The following SPIDR variants were observed in gnomAD, a reference collection of about 807,000 sequenced individuals.
The protein encoded by SPIDR is scaffold protein involved in DNA repair, also known as DNA repair-scaffolding protein.
Under a neutral mutation model 104.6 loss-of-function variants are expected in SPIDR, and 93 were observed. That is an observed-to-expected ratio of 0.89 (90% CI 0.75 to 1.06). The LOEUF (loss-of-function observed/expected upper bound fraction) is 1.06, where lower values mean the gene tolerates loss of function less well. SPIDR is among the 50% of genes least tolerant of loss of function. The pLI is 0.00. For missense variants in SPIDR, 1,154 were observed against 1,111.2 expected, an observed-to-expected ratio of 1.04 and a Z score of -0.55; for synonymous variants, 431 against 416.9, an observed-to-expected ratio of 1.03 and a Z score of -0.41.
At chr8:47,441,600 G>A in intron 8 of SPIDR, among the ~76,000 whole-genome samples, 1 of 152,002 alleles carries the variant, frequency 6.6e-6, no homozygotes, top group Middle Eastern at 3.2e-3. Flanking sequence ...TTTTTAGGGG[G>A]CAGGGGTTTG....
chr8:47,321,619 A>C (rs2046609439), intron 5 of SPIDR, among the ~76,000 whole-genome samples: 1 of 152,174 alleles, frequency 6.6e-6, no homozygotes, highest in Non-Finnish European at 1.5e-5. Flanking sequence ...GGAACCAAAA[A>C]AGAGCCGGTA....
At chr8:47,382,996 A>G (rs1325894023) in intron 5 of SPIDR, among the ~76,000 whole-genome samples, 3 of 152,128 alleles carry the variant, frequency 2.0e-5, no homozygotes, top group Non-Finnish European at 4.4e-5. Context: ...AGTCATTTTA[A>G]CTCCTAGTAT....
chr8:47,308,933 C>T (rs373739131), intron 5 of SPIDR, among the ~76,000 whole-genome samples: 2 of 152,212 alleles, frequency 1.3e-5, no homozygotes, highest in African/African-American at 2.4e-5. Flanking sequence ...TATATTCAGG[C>T]CTTCCCCTGG....
chr8:47,471,044 C>CT (rs1431326104), intron 8 of SPIDR, among the ~76,000 whole-genome samples: 35 of 152,258 alleles, frequency 2.3e-4, no homozygotes, highest in African/African-American at 8.4e-4. Flanking sequence ...GACTGAAACT[C>CT]TTAAGAGCCA....
intron 11 of SPIDR, among the ~76,000 whole-genome samples, chr8:47,681,859 T>A (rs911207071): frequency 6.6e-6 from 1 of 152,178 alleles, no homozygotes; most frequent in African/African-American, 2.4e-5. Context: ...ATTTTCTCAT[T>A]AGAATAATAA....
intron 10 of SPIDR, among the ~76,000 whole-genome samples, chr8:47,608,884 C>G (rs373120296): frequency 6.6e-6 from 1 of 152,170 alleles, no homozygotes; most frequent in Non-Finnish European, 1.5e-5. Context: ...TGCGCTACCA[C>G]GCCCAGCTAA....
intron 10 of SPIDR, among the ~76,000 whole-genome samples, chr8:47,668,373 A>C (rs1432581736): frequency 1.3e-5 from 2 of 152,202 alleles, no homozygotes; most frequent in Non-Finnish European, 2.9e-5. Context: ...AAAGAATTTG[A>C]AATTGTCATT....
intron 8 of SPIDR, chr8:47,511,613 G>T (rs911153099): frequency 1.1e-5 from 9 of 788,934 alleles, no homozygotes; most frequent in Non-Finnish European, 1.6e-5. Context: ...TGAACATCTT[G>T]GTTGGAATGA....
At chr8:47,552,760 A>T (rs2090737598) in intron 8 of SPIDR, among the ~76,000 whole-genome samples, 1 of 152,178 alleles carries the variant, frequency 6.6e-6, no homozygotes, top group Non-Finnish European at 1.5e-5. Flanking sequence ...GCCCATTTAC[A>T]TTTAAGGTTA....
At chr8:47,670,860 C>G (rs1322123530) in intron 10 of SPIDR, among the ~76,000 whole-genome samples, 1 of 152,068 alleles carries the variant, frequency 6.6e-6, no homozygotes, top group Admixed American at 6.6e-5. Context: ...TATCTCAGGC[C>G]TTTATTCCAC....
At chr8:47,628,216 C>T (rs2066505821) in intron 10 of SPIDR, among the ~76,000 whole-genome samples, 2 of 152,174 alleles carry the variant, frequency 1.3e-5, no homozygotes, top group Admixed American at 1.3e-4. Context: ...ATTTTGGCTA[C>T]TTGGGATGTT....
rs534035401 is a variant in SPIDR, at chr8:47,374,469, G to A, written c.526-21907G>A. On this transcript the variant is annotated intron_variant, in intron 5 of 19. Coordinates refer to ENST00000297423, the MANE Select transcript of SPIDR (RefSeq NM_001080394.4). ...ACTTTATTGCCTAGAAATATAAATTGTCCCATTTTGGTTATATTTTCAAAT... is the reference window on the plus strand; with the variant it reads ...ACTTTATTGCCTAGAAATATAAATTATCCCATTTTGGTTATATTTTCAAAT... 1.1e-4 allele frequency among the ~76,000 whole-genome samples: 17 copies of A among 152,188 alleles called. No homozygotes were observed. In the South Asian group the frequency reaches 3.1e-3, roughly 28 times the overall value.
chr8:47,398,263 CTGCTGAG>C (rs1400856282), intron 6 of SPIDR, among the ~76,000 whole-genome samples: 1 of 152,176 alleles, frequency 6.6e-6, no homozygotes, highest in African/African-American at 2.4e-5. Flanking sequence ...GTCCCCAGCC[CTGCTGAG>C]GGCCGACCAC....
intron 7 of SPIDR, among the ~76,000 whole-genome samples, chr8:47,413,124 G>T (rs2063765883): frequency 6.6e-6 from 1 of 152,210 alleles, no homozygotes; most frequent in African/African-American, 2.4e-5. Flanking sequence ...TGTGGTGGAT[G>T]GTGAACTATC....
chr8:47,279,816 T>C (rs2037366143), intron 1 of SPIDR, 46 bp from the exon 2 acceptor site: 1 of 1,558,786 alleles, frequency 6.4e-7, no homozygotes, highest in Non-Finnish European at 8.7e-7. Flanking sequence ...ATGAAGTTGA[T>C]TTTGTTTTTT....
intron 8 of SPIDR, among the ~76,000 whole-genome samples, chr8:47,442,948 G>A (rs1168788707): frequency 6.6e-5 from 10 of 151,962 alleles, no homozygotes; most frequent in African/African-American, 1.9e-4. Context: ...GTTTTAAAAT[G>A]CATTTATTAA....
rs557325029 is a variant in SPIDR, at chr8:47,627,412, G to A, written c.1544+28216G>A. 1.8e-3 allele frequency among the ~76,000 whole-genome samples: 269 copies of A among 151,876 alleles called. 1 individual carries two copies. The highest frequency in any genetic ancestry group is 5.7e-3 in the African/African-American group (236 of 41,446). ...ATAATAATAAAAATTTAAAAAAAAA[G>A]AAATGATTTACCGCTAGTAGGAATT... On this transcript the variant is annotated intron_variant, in intron 10 of 19. Transcript: ENST00000297423.
chr8:47,345,056 GT>G (rs1172711771), intron 5 of SPIDR, among the ~76,000 whole-genome samples: 1 of 152,164 alleles, frequency 6.6e-6, no homozygotes, highest in Admixed American at 6.5e-5. Flanking sequence ...GTCCTGAATG[GT>G]ATTGCCTAGG....
intron 10 of SPIDR, among the ~76,000 whole-genome samples, chr8:47,654,449 T>C (rs1192132043): frequency 6.6e-6 from 1 of 152,208 alleles, no homozygotes; most frequent in Non-Finnish European, 1.5e-5. Context: ...TGGGGCATTC[T>C]TCAAGAGGGA....
Sources: gnomAD v4.1 joint callset for allele counts (sites outside exome capture counted in the v4.1 genomes callset) on GRCh38, gnomAD v4.1.1 for gene constraint, MANE v1.5 for transcripts, NCBI Gene and HGNC (gene_info 2026-07-23, HGNC 2026-07-21) for gene names.